The following NPR3 variants were observed in gnomAD, a reference collection of about 807,000 sequenced individuals.
The protein encoded by NPR3 is atrial natriuretic peptide receptor 3.
Under a neutral mutation model 54.5 loss-of-function variants are expected in NPR3, and 34 were observed. The ratio of observed to expected loss-of-function variants is 0.62; its 90% CI spans 0.47 to 0.83. NPR3 has a LOEUF of 0.83. NPR3 is among the 40% of genes least tolerant of loss of function. NPR3 has a pLI of 0.00. For synonymous variants in NPR3, 289 were observed against 297.1 expected (o/e 0.97, Z 0.28); for missense variants, 674 against 720.8 (o/e 0.94, Z 0.74).
intron 2 of NPR3, among the ~76,000 whole-genome samples, chr5:32,729,159 AGCTGGGACTACAGGC>A (rs1739329411): frequency 6.7e-6 from 1 of 148,636 alleles, no homozygotes; most frequent in South Asian, 2.1e-4. Flanking sequence ...CCTCCCAAGT[AGCTGGGACTACAGGC>A]GCCCGCCACT....
chr5:32,700,107 T>C (rs1740629953), intron 1 of NPR3, among the ~76,000 whole-genome samples: 1 of 152,232 alleles, frequency 6.6e-6, no homozygotes, highest in African/African-American at 2.4e-5. Flanking sequence ...TCTTTTTCTC[T>C]TGCTACTTTT....
intron 6 of NPR3, among the ~76,000 whole-genome samples, chr5:32,783,894 C>T (rs990430432): frequency 1.3e-5 from 2 of 152,154 alleles, no homozygotes; most frequent in Non-Finnish European, 2.9e-5. Flanking sequence ...GAGGATTACA[C>T]AAGATAACAC....
chr5:32,744,758 C>A (rs1740209646), intron 3 of NPR3, among the ~76,000 whole-genome samples: 1 of 152,198 alleles, frequency 6.6e-6, no homozygotes, highest in East Asian at 1.9e-4. Flanking sequence ...TCTTTCCTGA[C>A]ACCCCAGACT....
chr5:32,730,434 T>C (rs974707263), intron 2 of NPR3, among the ~76,000 whole-genome samples: 1 of 152,242 alleles, frequency 6.6e-6, no homozygotes, highest in Non-Finnish European at 1.5e-5. Flanking sequence ...GGATGTTCAC[T>C]TTCATTACTC....
At chr5:32,732,775 C>A (rs1739531016) in intron 2 of NPR3, among the ~76,000 whole-genome samples, 1 of 152,344 alleles carries the variant, frequency 6.6e-6, no homozygotes, top group Non-Finnish European at 1.5e-5. Context: ...GGCCTCTTCA[C>A]ACCAAACCCT....
chr5:32,779,293 C>A (rs1042035867), intron 4 of NPR3, among the ~76,000 whole-genome samples: 1 of 152,138 alleles, frequency 6.6e-6, no homozygotes, highest in Non-Finnish European at 1.5e-5. Flanking sequence ...GAACTCTCCC[C>A]AGTTGAAAAG....
At chr5:32,712,654 G>C in intron 1 of NPR3, 109 bp downstream of exon 1, 1 of 1,102,646 alleles carries the variant, frequency 9.1e-7, no homozygotes, top group Non-Finnish European at 1.3e-6. Context: ...CGGCGCTGAG[G>C]TCGGGTGCGC....
intron 3 of NPR3, among the ~76,000 whole-genome samples, chr5:32,753,323 C>CTT (rs3066352): frequency 3.4e-5 from 5 of 145,686 alleles, no homozygotes; most frequent in African/African-American, 1.3e-4. Flanking sequence ...ATGCTATTTT[C>CTT]TTTTTTTTTT....
At chr5:32,712,940 C>T (rs1738339954) in intron 1 of NPR3, among the ~76,000 whole-genome samples, 1 of 152,136 alleles carries the variant, frequency 6.6e-6, no homozygotes, top group South Asian at 2.1e-4. Flanking sequence ...GAACTTGTTC[C>T]CCAGTCCTTT....
At chr5:32,759,337 T>G (rs1381854612) in intron 3 of NPR3, among the ~76,000 whole-genome samples, 1 of 152,236 alleles carries the variant, frequency 6.6e-6, no homozygotes, top group Admixed American at 6.5e-5. Context: ...CTTGTTGAAT[T>G]GATCCCTTTA....
intron 3 of NPR3, among the ~76,000 whole-genome samples, chr5:32,769,691 C>G (rs1476361351): frequency 6.6e-6 from 1 of 152,216 alleles, no homozygotes; most frequent in Non-Finnish European, 1.5e-5. Flanking sequence ...AGCTCCAGGA[C>G]AGCCTAGCTA....
At chr5:32,737,902 G>A (rs931383565) in intron 2 of NPR3, among the ~76,000 whole-genome samples, 2 of 151,832 alleles carry the variant, frequency 1.3e-5, no homozygotes, top group African/African-American at 4.8e-5. Context: ...CATATAAAGT[G>A]CTCAACAAAT....
intron 3 of NPR3, among the ~76,000 whole-genome samples, chr5:32,759,872 T>C (rs1318439133): frequency 6.6e-6 from 1 of 152,168 alleles, no homozygotes; most frequent in Non-Finnish European, 1.5e-5. Flanking sequence ...TGAAGCTTAG[T>C]TTGGTTGGAT....
At chr5:32,748,906 CTCT>C in intron 3 of NPR3, among the ~76,000 whole-genome samples, 1 of 152,210 alleles carries the variant, frequency 6.6e-6, no homozygotes, top group East Asian at 1.9e-4. Flanking sequence ...TATTTTCCAA[CTCT>C]TCTTTTTTCT....
chr5:32,734,496 C>T (rs1739627358), intron 2 of NPR3, among the ~76,000 whole-genome samples: 1 of 152,132 alleles, frequency 6.6e-6, no homozygotes, highest in African/African-American at 2.4e-5. Context: ...AGCAGACTAC[C>T]TTCCTCTTTC....
Position 32,789,418 on chromosome 5 carries a change from A to AG in NPR3, c.*3073_*3074insG. ...ACAGGTTTCATGAGAAGGTCCCTGA[A>AG]AACATCACATTTCTCTGAAGAACCA... On this transcript the variant is annotated 3_prime_UTR_variant, in exon 8 of 8. Coordinates refer to ENST00000265074, the MANE Select transcript of NPR3 (RefSeq NM_001204375.2). 1.9e-6 allele frequency: 1 copy of AG among 525,864 alleles called. No homozygotes were observed. The highest frequency in any genetic ancestry group is 1.4e-5 in the South Asian group (1 of 70,128). 32.6% of individuals were successfully genotyped at this position (525,864 alleles called of 1,614,324 possible).
intron 3 of NPR3, among the ~76,000 whole-genome samples, chr5:32,740,333 C>A (rs1739973489): frequency 6.6e-6 from 1 of 152,178 alleles, no homozygotes; most frequent in East Asian, 1.9e-4. Flanking sequence ...TTAACGCTAT[C>A]CCTGTCAGAA....
chr5:32,780,477 A>G (rs1742280524), intron 4 of NPR3, among the ~76,000 whole-genome samples: 1 of 152,214 alleles, frequency 6.6e-6, no homozygotes, highest in Non-Finnish European at 1.5e-5. Context: ...ATATCCCCCA[A>G]AGAAGATCAT....
chr5:32,772,078 T>A (rs1462072599), intron 3 of NPR3, among the ~76,000 whole-genome samples: 2 of 152,246 alleles, frequency 1.3e-5, no homozygotes, highest in Non-Finnish European at 2.9e-5. Flanking sequence ...AATTTCATAT[T>A]CCTTTGGAAA....
Sources: allele counts gnomAD v4.1 joint callset (sites outside exome capture counted in the v4.1 genomes callset), GRCh38; gene constraint gnomAD v4.1.1; transcripts MANE v1.5; gene names NCBI Gene and HGNC (gene_info 2026-07-23, HGNC 2026-07-21).